ZBTB25: variants seen among roughly 807,000 people sequenced by gnomAD.
The protein encoded by ZBTB25 is zinc finger and BTB domain-containing protein 25.
Under a neutral mutation model 34.2 loss-of-function variants are expected in ZBTB25, and 20 were observed. That is an observed-to-expected ratio of 0.58 (90% CI 0.41 to 0.85). The LOEUF is 0.85. Ranked by LOEUF, ZBTB25 falls within the 40% of genes least tolerant of loss-of-function variation. The probability of loss-of-function intolerance (pLI) is 0.00; values close to 1 mark genes in which losing one functional copy is unlikely to be tolerated. For synonymous variants in ZBTB25, 175 were observed against 186.4 expected (o/e 0.94, Z 0.50); for missense variants, 437 against 521.8 (o/e 0.84, Z 1.58).
intron 2 of ZBTB25, chr14:64,469,659 TAAAC>T: frequency 1.3e-6 from 2 of 1,588,508 alleles, no homozygotes; most frequent in Non-Finnish European, 1.7e-6. Context: ...GATAATAAAA[TAAAC>T]AATCTTCTAC....
chr14:64,457,577 T>C (rs976679199), intron 2 of ZBTB25, among the ~76,000 whole-genome samples: 1 of 151,742 alleles, frequency 6.6e-6, no homozygotes, highest in African/African-American at 2.4e-5. Context: ...TGCCTCAGCC[T>C]CCCAAGTAGC....
intron 2 of ZBTB25, chr14:64,467,086 G>T (rs2078619851): frequency 6.6e-6 from 1 of 152,202 alleles, no homozygotes; most frequent in East Asian, 1.9e-4. Flanking sequence ...ATGGTTAAAT[G>T]ACCATTAATC....
chr14:64,496,722 C>G (rs1321028386), intron 1 of ZBTB25, among the ~76,000 whole-genome samples: 1 of 152,140 alleles, frequency 6.6e-6, no homozygotes, highest in Non-Finnish European at 1.5e-5. Context: ...TACAGCTGGA[C>G]TCTCTTATCT....
At chr14:64,504,806 C>T (rs1264698688), upstream of ZBTB25, 1 of 387,122 alleles carries the variant, frequency 2.6e-6, no homozygotes, top group African/African-American at 2.1e-5. Context: ...AGAGCCTCTC[C>T]GCGCAGCCCA....
intron 1 of ZBTB25, 122 bp downstream of exon 1, chr14:64,503,539 C>T: frequency 1.0e-6 from 1 of 986,028 alleles, no homozygotes; most frequent in South Asian, 4.7e-5. Flanking sequence ...AAAAACACCC[C>T]TCTCCCCAGC....
At chr14:64,476,677 A>C (rs531077879), downstream of ZBTB25, among the ~76,000 whole-genome samples, 124 of 152,098 alleles carry the variant, frequency 8.2e-4, 1 homozygote, top group Non-Finnish European at 1.6e-3. Context: ...ACTGCCTCGT[A>C]CTCTATATGG....
At chr14:64,469,697 G>T in intron 2 of ZBTB25, 2 of 1,496,986 alleles carry the variant, frequency 1.3e-6, no homozygotes, top group Non-Finnish European at 1.8e-6. Flanking sequence ...CCAGAGTCAC[G>T]GCAGAAAAAA....
At chr14:64,489,746 G>C (rs570929694) in intron 2 of ZBTB25, among the ~76,000 whole-genome samples, 166 of 151,240 alleles carry the variant, frequency 1.1e-3, no homozygotes, top group African/African-American at 3.8e-3. Flanking sequence ...ATATTGGCCA[G>C]GCTGGTCTCG....
At chr14:64,452,827 C>G (rs2078396513) in intron 2 of ZBTB25, among the ~76,000 whole-genome samples, 1 of 152,088 alleles carries the variant, frequency 6.6e-6, no homozygotes, top group African/African-American at 2.4e-5. Context: ...TCTGGTTTGA[C>G]AGGACTGATC....
At chr14:64,471,705 A>T in intron 2 of ZBTB25, 1 of 161,188 alleles carries the variant, frequency 6.2e-6, no homozygotes, top group South Asian at 2.2e-4. Context: ...ACTACTTGAA[A>T]CAGATGAAGT....
rs1274045244 is a variant in ZBTB25, at chr14:64,487,100, T to C, written c.1131A>G (p.Arg377=). 1 of 1,614,242 alleles carries C rather than the reference T, an allele frequency of 6.2e-7. No homozygotes were observed. Among genetic ancestry groups the C allele is most frequent in the African/African-American group, 1.3e-5 (1 of 75,062 alleles). ...TACCAAACCTTTGGCATCGGTTATA[T>C]CTGTAAGATTTACCTTTGTGTGTAT... is the stretch of plus-strand genomic sequence containing the variant. ...HMYTHKGKSY[R]YNRCQRFGNA... is the part of the protein sequence containing the mutation. Residue 377 remains arginine (R), a synonymous_variant, in exon 3 of 3, where the codon AGA becomes AGG. Transcript: ENST00000608382.
chr14:64,459,494 T>C (rs1430711261), intron 2 of ZBTB25, among the ~76,000 whole-genome samples: 1 of 152,178 alleles, frequency 6.6e-6, no homozygotes, highest in Non-Finnish European at 1.5e-5. Context: ...ACACTATTCT[T>C]TGAGAGGGTA....
chr14:64,487,287 C>T lies in ZBTB25; in HGVS notation c.944G>A (p.Gly315Asp), dbSNP rs534502547. ...NEQQPDHTNR[G>D]TTEPLQISQV... ...ACTGATCTGCAAAGGCTCTGTGGTA[C>T]CCCGGTTGGTGTGGTCTGGCTGCTG... The change falls in exon 3 of 3, where the codon GGT (glycine) becomes GAT (aspartate). Residue 315 changes from glycine to aspartate, a missense_variant. Coordinates refer to ENST00000608382, the MANE Select transcript of ZBTB25 (RefSeq NM_006977.5). The T allele has an allele frequency of 7.4e-6, 12 of 1,613,980 alleles. No individual in the cohort carries two copies. Among genetic ancestry groups the T allele is most frequent in the South Asian group, 6.6e-5 (6 of 91,070 alleles).
chr14:64,466,450 T>C (rs1406310504), intron 2 of ZBTB25, among the ~76,000 whole-genome samples: 1 of 152,220 alleles, frequency 6.6e-6, no homozygotes, highest in Non-Finnish European at 1.5e-5. Flanking sequence ...TTCTATTATG[T>C]GGTAATACAG....
rs1487209007 is a variant in ZBTB25, at chr14:64,481,556, T to TA, written c.*5366dup. ...AAGTTTATATTTGATCCATTCTGAC[T>TA]AAATGACTTTATTTAGCACAAAATA... On this transcript the variant is annotated 3_prime_UTR_variant, in exon 3 of 3. Transcript: ENST00000608382. The TA allele has an allele frequency of 6.6e-6, 1 of 152,260 alleles. No individual in the cohort carries two copies. The highest frequency in any genetic ancestry group is 1.5e-5 in the Non-Finnish European group (1 of 68,050). The allele number at this position is 152,260 out of a possible 1,614,324, so 9.4% of individuals were successfully genotyped here. A position where few individuals can be genotyped will look rare whatever the true frequency, so the allele number is the denominator to read the frequency against.
chr14:64,486,284 A>G lies in ZBTB25; in HGVS notation c.*639T>C. ...GCCACTGCGCCCCAGCCTGGGCGAC[A>G]CAGAGAGACTCTGTCTCAAAAAAAA... On this transcript the variant is annotated 3_prime_UTR_variant, in exon 3 of 3. Transcript: ENST00000608382. 3 of 980,874 alleles carry G rather than the reference A, an allele frequency of 3.1e-6. No individual in the cohort carries two copies. Among genetic ancestry groups the G allele is most frequent in the Non-Finnish European group, 3.6e-6 (3 of 825,736 alleles). 60.8% of individuals were successfully genotyped at this position (980,874 alleles called of 1,614,324 possible). A position where few individuals can be genotyped will look rare whatever the true frequency, so the allele number is the denominator to read the frequency against.
intron 2 of ZBTB25, chr14:64,465,435 C>T (rs1233175751): frequency 1.3e-5 from 2 of 151,814 alleles, no homozygotes; most frequent in African/African-American, 4.8e-5. Flanking sequence ...GCTCCGCTCG[C>T]ATTGGCGCTG....
At chr14:64,504,597 A>G (rs1596678657), upstream of ZBTB25, 1 of 257,556 alleles carries the variant, frequency 3.9e-6, no homozygotes, top group East Asian at 7.0e-5. Flanking sequence ...TGCAACAAAC[A>G]GGCGACCGCG....
chr14:64,475,570 A>C (rs925152650), downstream of ZBTB25, among the ~76,000 whole-genome samples: 4 of 151,660 alleles, frequency 2.6e-5, no homozygotes, highest in Admixed American at 2.0e-4. Flanking sequence ...TGACGTCTGG[A>C]GTCCCCAACC....
Sources: allele counts gnomAD v4.1 joint callset (sites outside exome capture counted in the v4.1 genomes callset), GRCh38; gene constraint gnomAD v4.1.1; transcripts MANE v1.5; gene names NCBI Gene and HGNC (gene_info 2026-07-23, HGNC 2026-07-21).